Variants in ABRACL observed in about 807,000 individuals in gnomAD.
The protein encoded by ABRACL is ABRA C-terminal like.
A neutral mutation model predicts 7.0 loss-of-function variants in ABRACL; 4 were observed. The ratio of observed to expected loss-of-function variants is 0.57; its 90% CI spans 0.28 to 1.30. The LOEUF is 1.30. Among genes scored for constraint, ABRACL ranks in the 50% most tolerant of loss-of-function variants. The pLI is 0.10. For missense variants in ABRACL, 104 were observed against 97.3 expected (o/e 1.07, Z -0.29); for synonymous variants, 30 against 36.0 (o/e 0.83, Z 0.60).
At chr6:139,040,187 C>T (rs1423796714) in intron 2 of ABRACL, among the ~76,000 whole-genome samples, 2 of 152,054 alleles carry the variant, frequency 1.3e-5, no homozygotes, top group African/African-American at 4.8e-5. Flanking sequence ...TCTTCCACAC[C>T]CATGTGGAGG....
At chr6:139,041,531 A>ATTTTTTT (rs1554211161) in intron 2 of ABRACL, among the ~76,000 whole-genome samples, 5,292 of 125,896 alleles carry the variant, frequency 0.042, 220 homozygotes, top group East Asian at 0.11. Context: ...ATATATATAT[A>ATTTTTTT]TTTTTTTTTA....
At chr6:139,030,989 A>G (rs973519158) in intron 1 of ABRACL, among the ~76,000 whole-genome samples, 4 of 152,226 alleles carry the variant, frequency 2.6e-5, no homozygotes, top group African/African-American at 4.8e-5. Flanking sequence ...AGGTATGCGT[A>G]CTATATATAA....
chr6:139,029,686 G>C (rs1398523985), intron 1 of ABRACL, among the ~76,000 whole-genome samples: 1 of 152,106 alleles, frequency 6.6e-6, no homozygotes, highest in Non-Finnish European at 1.5e-5. Flanking sequence ...GCCAAATATG[G>C]AGTGAGCGCG....
At chr6:139,038,912 A>T (rs1786203843) in intron 2 of ABRACL, among the ~76,000 whole-genome samples, 1 of 152,082 alleles carries the variant, frequency 6.6e-6, no homozygotes, top group Non-Finnish European at 1.5e-5. Flanking sequence ...TCAAGGACAC[A>T]TTTCTTCACA....
At chr6:139,031,273 A>G (rs1009339574) in intron 1 of ABRACL, among the ~76,000 whole-genome samples, 3 of 152,170 alleles carry the variant, frequency 2.0e-5, no homozygotes, top group African/African-American at 7.2e-5. Context: ...AACTTTATTC[A>G]TTGTTGGGCA....
intron 2 of ABRACL, among the ~76,000 whole-genome samples, chr6:139,040,952 TC>T (rs1786234003): frequency 6.6e-6 from 1 of 152,178 alleles, no homozygotes; most frequent in African/African-American, 2.4e-5. Context: ...GAACTGTGTC[TC>T]CTGGCAGCAC....
At chr6:139,037,411 C>T (rs1277081425) in intron 2 of ABRACL, among the ~76,000 whole-genome samples, 3 of 152,124 alleles carry the variant, frequency 2.0e-5, no homozygotes, top group African/African-American at 4.8e-5. Context: ...CAGGTGTCCA[C>T]GACCACGCCT....
chr6:139,033,176 T>C (rs1786106710), intron 1 of ABRACL, among the ~76,000 whole-genome samples: 1 of 152,148 alleles, frequency 6.6e-6, no homozygotes, highest in Non-Finnish European at 1.5e-5. Context: ...CAAGGGGGCA[T>C]TTGAGAGATT....
At chr6:139,040,150 A>G (rs1028850309) in intron 2 of ABRACL, among the ~76,000 whole-genome samples, 8 of 152,310 alleles carry the variant, frequency 5.3e-5, no homozygotes, top group Middle Eastern at 3.4e-3. Context: ...TGAGCTTTGC[A>G]TCTCATAAAG....
At chr6:139,029,767 A>G (rs1786051903) in intron 1 of ABRACL, among the ~76,000 whole-genome samples, 1 of 152,066 alleles carries the variant, frequency 6.6e-6, no homozygotes, top group Non-Finnish European at 1.5e-5. Context: ...GCGATTGCGA[A>G]GAAGGGCTGG....
chr6:139,037,759 T>C (rs553269919), intron 2 of ABRACL, among the ~76,000 whole-genome samples: 2 of 149,080 alleles, frequency 1.3e-5, no homozygotes, highest in African/African-American at 4.9e-5. Context: ...AGCATTATTA[T>C]TGTTTTTTTC....
At chr6:139,036,322 T>TC (rs1361548733) in intron 2 of ABRACL, among the ~76,000 whole-genome samples, 1 of 152,022 alleles carries the variant, frequency 6.6e-6, no homozygotes, top group Non-Finnish European at 1.5e-5. Flanking sequence ...TGTCGTAGGG[T>TC]CCTTAATTGA....
intron 2 of ABRACL, among the ~76,000 whole-genome samples, chr6:139,041,961 C>T (rs146255268): frequency 6.6e-6 from 1 of 152,078 alleles, no homozygotes; most frequent in East Asian, 1.9e-4. Flanking sequence ...ACTGTGATGG[C>T]CATCGTCTTG....
chr6:139,030,363 G>A (rs1786063447), intron 1 of ABRACL, among the ~76,000 whole-genome samples: 1 of 152,084 alleles, frequency 6.6e-6, no homozygotes. Flanking sequence ...ACTGATCAAT[G>A]CAACACCAGG....
intron 1 of ABRACL, among the ~76,000 whole-genome samples, chr6:139,031,786 G>T (rs1786084605): frequency 6.6e-6 from 1 of 152,076 alleles, no homozygotes; most frequent in African/African-American, 2.4e-5. Context: ...AATCATTCTG[G>T]CCCTGAACTG....
chr6:139,030,303 T>G (rs1786062047), intron 1 of ABRACL, among the ~76,000 whole-genome samples: 1 of 152,192 alleles, frequency 6.6e-6, no homozygotes, highest in Non-Finnish European at 1.5e-5. Flanking sequence ...TTAACTTGCT[T>G]TTAGCCATTT....
chr6:139,041,443 C>CTA (rs1279287526), intron 2 of ABRACL, among the ~76,000 whole-genome samples: 2 of 70,380 alleles, frequency 2.8e-5, no homozygotes, highest in African/African-American at 8.0e-5. Context: ...CTCTCTCTCT[C>CTA]TCTCTCTCTA....
At chr6:139,041,461 AT>A (rs1786246831) in intron 2 of ABRACL, among the ~76,000 whole-genome samples, 1 of 136,712 alleles carries the variant, frequency 7.3e-6, no homozygotes, top group African/African-American at 2.7e-5. Flanking sequence ...CTATATATAT[AT>A]ATATATATTT....
intron 2 of ABRACL, among the ~76,000 whole-genome samples, chr6:139,037,043 A>G (rs1477905745): frequency 2.0e-5 from 3 of 151,744 alleles, no homozygotes; most frequent in African/African-American, 4.8e-5. Context: ...AAAAAATGGT[A>G]TGCTGAACTA....
Sources: allele counts gnomAD v4.1 joint callset (sites outside exome capture counted in the v4.1 genomes callset), GRCh38; gene constraint gnomAD v4.1.1; transcripts MANE v1.5; gene names NCBI Gene and HGNC (gene_info 2026-07-23, HGNC 2026-07-21).